NOL4: variants seen among roughly 807,000 people sequenced by gnomAD.
The protein encoded by NOL4 is cancer/testis antigen 125.
A neutral mutation model predicts 75.9 loss-of-function variants in NOL4; 17 were observed. That is an observed-to-expected ratio of 0.22 (90% CI 0.15 to 0.34). The LOEUF (loss-of-function observed/expected upper bound fraction) is 0.34, where lower values mean the gene tolerates loss of function less well. Ranked by LOEUF, NOL4 falls within the 10% of genes least tolerant of loss-of-function variation. The probability of loss-of-function intolerance (pLI) is 1.00; values close to 1 mark genes in which losing one functional copy is unlikely to be tolerated. For synonymous variants in NOL4, 292 were observed against 289.9 expected (o/e 1.01, Z -0.07); for missense variants, 614 against 793.5 (o/e 0.77, Z 2.72).
At chr18:33,905,330 C>CTGTT (rs1198920132) in intron 9 of NOL4, among the ~76,000 whole-genome samples, 2 of 152,038 alleles carry the variant, frequency 1.3e-5, no homozygotes, top group African/African-American at 4.8e-5. Context: ...GTGAATGGGA[C>CTGTT]TGTTAGAGGT....
intron 9 of NOL4, among the ~76,000 whole-genome samples, chr18:33,929,682 CTTGT>C (rs1265103600): frequency 6.6e-6 from 1 of 152,146 alleles, no homozygotes; most frequent in Admixed American, 6.6e-5. Flanking sequence ...TTCTTCCTCA[CTTGT>C]TTTGTAGCTT....
At chr18:33,999,871 A>G (rs2073570195) in intron 6 of NOL4, among the ~76,000 whole-genome samples, 1 of 151,914 alleles carries the variant, frequency 6.6e-6, no homozygotes, top group Admixed American at 6.6e-5. Context: ...CCTGGTTGGT[A>G]TCGAAGCCCT....
chr18:33,889,189 T>C (rs2064949496), intron 9 of NOL4, among the ~76,000 whole-genome samples: 1 of 151,944 alleles, frequency 6.6e-6, no homozygotes, highest in African/African-American at 2.4e-5. Flanking sequence ...AAAGGGGATA[T>C]CACCACTGAT....
intron 2 of NOL4, among the ~76,000 whole-genome samples, chr18:34,105,660 CAG>C (rs2145687019): frequency 6.6e-6 from 1 of 152,048 alleles, no homozygotes; most frequent in South Asian, 2.1e-4. Flanking sequence ...TAAATTCAAA[CAG>C]AACTTATGTA....
At chr18:33,916,460 C>G (rs1020903181) in intron 9 of NOL4, among the ~76,000 whole-genome samples, 2 of 152,074 alleles carry the variant, frequency 1.3e-5, no homozygotes, top group Admixed American at 1.3e-4. Context: ...TCTGGGAACT[C>G]TTTTATAGGT....
At chr18:33,970,954 C>G (rs148766606) in intron 6 of NOL4, among the ~76,000 whole-genome samples, 2 of 152,154 alleles carry the variant, frequency 1.3e-5, no homozygotes, top group East Asian at 3.9e-4. Flanking sequence ...CAGATAAAGT[C>G]TTTTGTGTGG....
chr18:34,200,114 GAAAT>G (rs1338263983), intron 1 of NOL4, among the ~76,000 whole-genome samples: 6 of 151,818 alleles, frequency 4.0e-5, no homozygotes, highest in African/African-American at 1.4e-4. Flanking sequence ...AGTTGACAGA[GAAAT>G]AAACATGTTA....
chr18:34,221,008 G>T (rs1356057766), intron 1 of NOL4: 3 of 152,018 alleles, frequency 2.0e-5, no homozygotes, highest in Non-Finnish European at 4.4e-5. Context: ...TGACATTTAT[G>T]ATGATCTTAG....
intron 9 of NOL4, among the ~76,000 whole-genome samples, chr18:33,912,679 C>A (rs969040955): frequency 6.6e-6 from 1 of 151,998 alleles, no homozygotes; most frequent in African/African-American, 2.4e-5. Flanking sequence ...GGTAATATGA[C>A]AATCAGCATA....
chr18:34,003,644 A>G (rs1436421537), intron 6 of NOL4, among the ~76,000 whole-genome samples: 1 of 151,928 alleles, frequency 6.6e-6, no homozygotes, highest in Non-Finnish European at 1.5e-5. Context: ...ATCTCCTCTC[A>G]TTACTGCCTC....
At chr18:33,940,206 A>C (rs1435130015) in intron 9 of NOL4, among the ~76,000 whole-genome samples, 1 of 152,118 alleles carries the variant, frequency 6.6e-6, no homozygotes, top group Non-Finnish European at 1.5e-5. Context: ...TATTGGGTAT[A>C]TACCCAAAGG....
rs2079434759 is a variant in NOL4, at chr18:34,108,661, T to C, written c.415-3501A>G. 2.0e-5 allele frequency among the ~76,000 whole-genome samples: 3 copies of C among 152,180 alleles called. No individual in the cohort carries two copies. In the South Asian group the frequency reaches 6.2e-4, roughly 31 times the overall value. On this transcript the variant is annotated intron_variant, in intron 2 of 10. Transcript: ENST00000261592. ...AGAAGATATAACAATGGTAAATATA[T>C]ATGTACCTCAAATCAGAGCACCTAA... is the stretch of plus-strand genomic sequence containing the variant.
intron 6 of NOL4, among the ~76,000 whole-genome samples, chr18:34,013,276 A>G (rs963214787): frequency 1.3e-5 from 2 of 151,820 alleles, no homozygotes; most frequent in Non-Finnish European, 2.9e-5. Flanking sequence ...AATTTTCTAT[A>G]TATTTCTTAA....
At chr18:34,198,502 A>T (rs2035496171) in intron 1 of NOL4, among the ~76,000 whole-genome samples, 1 of 151,886 alleles carries the variant, frequency 6.6e-6, no homozygotes, top group Non-Finnish European at 1.5e-5. Context: ...TTCAAATAAA[A>T]ATTCACTTCT....
intron 2 of NOL4, among the ~76,000 whole-genome samples, chr18:34,121,598 TG>T (rs1175815147): frequency 6.6e-6 from 1 of 152,218 alleles, no homozygotes; most frequent in Admixed American, 6.5e-5. Context: ...ATATCGTTCA[TG>T]TATTTATGCA....
Position 33,958,443 on chromosome 18 carries a change from G to T in NOL4, c.1057-25C>A, listed in dbSNP as rs375356526. 7.0e-6 allele frequency: 11 copies of T among 1,565,224 alleles called. No individual in the cohort carries two copies. The African/African-American group carries it at 1.4e-4, about 19-fold the overall frequency. On this transcript the variant is annotated intron_variant, in intron 6 of 10. Transcript: ENST00000261592. ...ACTGAAAAGAGAAGGTGAAATAACT[G>T]CTTTTAAATTCATTGCACAAGCTTA...
At chr18:34,126,735 A>T (rs2080406538) in intron 2 of NOL4, among the ~76,000 whole-genome samples, 1 of 152,150 alleles carries the variant, frequency 6.6e-6, no homozygotes, top group Non-Finnish European at 1.5e-5. Flanking sequence ...ACTGGAAGAC[A>T]AAACAGGGTC....
chr18:34,191,648 A>C (rs2034926833), intron 1 of NOL4, among the ~76,000 whole-genome samples: 1 of 151,954 alleles, frequency 6.6e-6, no homozygotes, highest in Non-Finnish European at 1.5e-5. Context: ...TAATCTCTTT[A>C]TTTATGGAGA....
intron 9 of NOL4, among the ~76,000 whole-genome samples, chr18:33,937,533 T>C (rs1213439390): frequency 6.6e-6 from 1 of 152,086 alleles, no homozygotes; most frequent in East Asian, 1.9e-4. Flanking sequence ...TAATGAAGAA[T>C]CTCTTAGTCA....
Sources: gnomAD v4.1 joint callset for allele counts (sites outside exome capture counted in the v4.1 genomes callset) on GRCh38, gnomAD v4.1.1 for gene constraint, MANE v1.5 for transcripts, NCBI Gene and HGNC (gene_info 2026-07-23, HGNC 2026-07-21) for gene names.